The following STRIP2 variants were observed in gnomAD, a reference collection of about 807,000 sequenced individuals.
STRIP2 encodes striatin interacting protein 2, also known as striatin-interacting protein 2.
A neutral mutation model predicts 107.1 loss-of-function variants in STRIP2; 84 were observed. The observed-to-expected ratio is 0.78, with a 90% confidence interval of 0.66 to 0.94. The LOEUF (loss-of-function observed/expected upper bound fraction) is 0.94. Among genes scored for constraint, STRIP2 ranks in the 40% least tolerant of loss-of-function variants. The pLI is 0.00. For synonymous variants in STRIP2, 394 were observed against 400.4 expected (o/e 0.98, Z 0.19); for missense variants, 888 against 1,034.2 (o/e 0.86, Z 1.94).
At chr7:129,471,537 A>G (rs1798788549) in intron 18 of STRIP2, among the ~76,000 whole-genome samples, 1 of 143,912 alleles carries the variant, frequency 6.9e-6, no homozygotes, top group Non-Finnish European at 1.6e-5. Flanking sequence ...ACCAATGGTT[A>G]CTACAACCCT....
intron 16 of STRIP2, among the ~76,000 whole-genome samples, chr7:129,465,556 C>G (rs1250030071): frequency 6.6e-6 from 1 of 152,154 alleles, no homozygotes; most frequent in Non-Finnish European, 1.5e-5. Flanking sequence ...TTACTGGGCA[C>G]CTATCCTGTG....
chr7:129,480,142 G>A (rs1799081341), intron 18 of STRIP2, among the ~76,000 whole-genome samples: 2 of 152,102 alleles, frequency 1.3e-5, no homozygotes, highest in Non-Finnish European at 2.9e-5. Context: ...TTTTATTTCT[G>A]AAAAATCTTT....
At chr7:129,466,961 C>T (rs941295625) in intron 16 of STRIP2, among the ~76,000 whole-genome samples, 8 of 152,184 alleles carry the variant, frequency 5.3e-5, no homozygotes, top group Non-Finnish European at 7.3e-5. Context: ...CAAGAGTAAG[C>T]TGCAGCTGTC....
rs1341859688 is a variant in STRIP2 at position 129,451,755 on chromosome 7, A to G, written c.409+8A>G. The stretch of plus-strand genomic sequence containing the variant: ...TTCTCTACCTGGCCCAAGGTGAGTG[A>G]CCACCCTTGCTAGCTTTAGAGGGGT... On this transcript the variant is annotated splice_region_variant and intron_variant, in intron 4 of 20. Coordinates refer to ENST00000249344, the MANE Select transcript of STRIP2 (RefSeq NM_020704.3). 1 of 1,606,606 alleles carries G rather than the reference A, an allele frequency of 6.2e-7. No individual in the cohort carries two copies. Among genetic ancestry groups the G allele is most frequent in the Non-Finnish European group, 8.5e-7 (1 of 1,178,462 alleles).
chr7:129,469,686 C>T (rs1798748138), intron 17 of STRIP2, among the ~76,000 whole-genome samples: 1 of 152,260 alleles, frequency 6.6e-6, no homozygotes, highest in Non-Finnish European at 1.5e-5. Context: ...CCTGGTCCCC[C>T]AGGTTATCTT....
chr7:129,472,119 G>A (rs1798802346), intron 18 of STRIP2, among the ~76,000 whole-genome samples: 1 of 152,226 alleles, frequency 6.6e-6, no homozygotes, highest in Admixed American at 6.5e-5. Flanking sequence ...AGTCAGGGTA[G>A]AGAGACATGT....
Position 129,444,058 on chromosome 7 carries a change from C to T in STRIP2, c.234C>T (p.Thr78=), listed in dbSNP as rs201941888. The change falls in exon 3 of 21, where the codon ACC becomes ACT. Residue 78 remains threonine (T), a synonymous_variant. Coordinates refer to ENST00000249344, the MANE Select transcript of STRIP2 (RefSeq NM_020704.3). ...LYSYTENLEF[T]NNRRCFEEDF... is the part of the protein sequence containing the mutation. ...GTTACACTGAGAACCTGGAATTCAC[C>T]AATAACAGGAGGTGCTTTGAAGAAG... The T allele has an allele frequency of 1.6e-5, 26 of 1,613,590 alleles. No individual in the cohort carries two copies. Among genetic ancestry groups the T allele is most frequent in the Middle Eastern group, 1.6e-4 (1 of 6,080 alleles).
chr7:129,439,895 T>A, intron 1 of STRIP2, 127 bp from the exon 2 acceptor site: 1 of 740,072 alleles, frequency 1.4e-6, no homozygotes. Context: ...AATAGGACTC[T>A]CCTAACTGTC....
chr7:129,454,051 G>A, intron 5 of STRIP2, 91 bp from the exon 6 acceptor site: 1 of 1,209,790 alleles, frequency 8.3e-7, no homozygotes, highest in East Asian at 2.4e-5. Flanking sequence ...CCAGGGAATG[G>A]CAAGCACTCA....
Position 129,480,880 on chromosome 7 carries a change from C to T in STRIP2, c.2040C>T (p.Ser680=). The part of the protein sequence containing the change: ...LLNKLTKWKH[S]RTMMLVVFKS... The stretch of plus-strand genomic sequence containing the variant: ...ATAAACTGACCAAATGGAAACATTC[C>T]CGGACCATGGTGAGTGTGGTTTTTT... Residue 680 remains serine (S), a synonymous_variant, in exon 19 of 21, where the codon TCC becomes TCT. Coordinates refer to ENST00000249344, the MANE Select transcript of STRIP2 (RefSeq NM_020704.3). 1 of 1,611,556 alleles carries T rather than the reference C, an allele frequency of 6.2e-7. No individual in the cohort carries two copies. Among genetic ancestry groups the T allele is most frequent in the East Asian group, 2.2e-5 (1 of 44,814 alleles).
intron 12 of STRIP2, 80 bp downstream of exon 12, chr7:129,459,660 T>A: frequency 8.2e-7 from 1 of 1,223,626 alleles, no homozygotes; most frequent in Middle Eastern, 2.1e-4. Context: ...GGATACTGGG[T>A]GGGGCTTTTA....
chr7:129,439,680 C>T (rs1241343457), intron 1 of STRIP2, among the ~76,000 whole-genome samples: 2 of 152,164 alleles, frequency 1.3e-5, no homozygotes, highest in Non-Finnish European at 2.9e-5. Flanking sequence ...TTCTGTCTGT[C>T]TCAATTTTAT....
chr7:129,464,856 C>A, intron 16 of STRIP2, 118 bp downstream of exon 16: 2 of 1,377,510 alleles, frequency 1.5e-6, no homozygotes, highest in Non-Finnish European at 2.0e-6. Context: ...TTTTCTTTGT[C>A]CTCTCTCAGG....
chr7:129,450,742 C>T (rs1406109840), intron 3 of STRIP2, among the ~76,000 whole-genome samples: 2 of 152,062 alleles, frequency 1.3e-5, no homozygotes, highest in Non-Finnish European at 2.9e-5. Context: ...GCCACTATGC[C>T]CAGCTTCTGC....
intron 17 of STRIP2, among the ~76,000 whole-genome samples, chr7:129,468,486 T>C (rs1302587904): frequency 1.3e-5 from 2 of 152,264 alleles, no homozygotes; most frequent in Non-Finnish European, 2.9e-5. Flanking sequence ...ATAGCTTTTC[T>C]GACTATATCA....
Position 129,488,364 on chromosome 7 carries a change from C to T in STRIP2, c.*2535C>T, listed in dbSNP as rs1042650732. 1 of 152,514 alleles carries T rather than the reference C, an allele frequency of 6.6e-6. No individual in the cohort carries two copies. The highest frequency in any genetic ancestry group is 2.4e-5 in the African/African-American group (1 of 41,402). 9.4% of individuals were successfully genotyped at this position (152,514 alleles called of 1,614,324 possible). On this transcript the variant is annotated 3_prime_UTR_variant, in exon 21 of 21. Transcript: ENST00000249344. ...TGATAACACTGTTCATCTACTGAAG[C>T]ACTTTAATAAAAATAAAATGAGCTG...
chr7:129,462,105 GT>G (rs1044311087), intron 13 of STRIP2, among the ~76,000 whole-genome samples: 1 of 152,222 alleles, frequency 6.6e-6, no homozygotes, highest in Non-Finnish European at 1.5e-5. Context: ...GTCAGCAACT[GT>G]TTAGGGATGG....
At position 129,480,867 on chromosome 7, in the gene STRIP2, A is replaced by G. The variant is rs775765912; in HGVS notation, c.2027A>G (p.Lys676Arg). ...NLLRLLNKLT[K>R]WKHSRTMMLV... ...CTGAGGCTGCTCAATAAACTGACCA[A>G]ATGGAAACATTCCCGGACCATGGTG... The change falls in exon 19 of 21, where the codon AAA becomes AGA. Residue 676 changes from lysine (K) to arginine (R), a missense_variant. Lys to Arg is a conservative substitution (Grantham distance 26). Transcript: ENST00000249344. The G allele has an allele frequency of 1.9e-6, 3 of 1,613,400 alleles. No individual in the cohort carries two copies. The highest frequency in any genetic ancestry group is 2.5e-6 in the Non-Finnish European group (3 of 1,179,812).
chr7:129,450,064 T>C (rs1161722598), intron 3 of STRIP2, among the ~76,000 whole-genome samples: 1 of 152,228 alleles, frequency 6.6e-6, no homozygotes, highest in African/African-American at 2.4e-5. Flanking sequence ...CATAACTCTC[T>C]AAACAGTTTC....
Sources: gnomAD v4.1 joint callset for allele counts (sites outside exome capture counted in the v4.1 genomes callset) on GRCh38, gnomAD v4.1.1 for gene constraint, MANE v1.5 for transcripts, NCBI Gene and HGNC (gene_info 2026-07-23, HGNC 2026-07-21) for gene names.